Variants in EPB41L4A observed in about 807,000 individuals in gnomAD.
EPB41L4A encodes erythrocyte membrane protein band 4.1 like 4A, also known as band 4.1-like protein 4A.
Under a neutral mutation model 108.6 loss-of-function variants are expected in EPB41L4A, and 100 were observed. The observed-to-expected ratio is 0.92, with a 90% CI of 0.78 to 1.09. The LOEUF (loss-of-function observed/expected upper bound fraction) is 1.09. Ranked by LOEUF, EPB41L4A falls within the 50% of genes least tolerant of loss-of-function variation. The pLI, the probability that EPB41L4A is intolerant of heterozygous loss-of-function variation, is 0.00. For missense variants in EPB41L4A, 1,030 were observed against 842.7 expected (o/e 1.22, Z -2.75); for synonymous variants, 319 against 289.0 (o/e 1.10, Z -1.05).
intron 2 of EPB41L4A, among the ~76,000 whole-genome samples, chr5:112,306,789 T>C (rs1394934295): frequency 6.6e-6 from 1 of 151,852 alleles, no homozygotes; most frequent in Admixed American, 6.6e-5. Flanking sequence ...GTGGTGAATT[T>C]CTTAGTAACT....
chr5:112,144,378 A>G (rs1459161966), intron 13 of EPB41L4A, among the ~76,000 whole-genome samples: 1 of 152,070 alleles, frequency 6.6e-6, no homozygotes, highest in Non-Finnish European at 1.5e-5. Flanking sequence ...TTGACCTCCC[A>G]GGGCTTAGAT....
At chr5:112,154,641 A>G (rs1338115873) in intron 12 of EPB41L4A, among the ~76,000 whole-genome samples, 2 of 152,324 alleles carry the variant, frequency 1.3e-5, no homozygotes, top group East Asian at 3.9e-4. Context: ...ACAACATGGA[A>G]TGTCCATTTT....
chr5:112,224,029 G>C (rs1748272857), intron 12 of EPB41L4A, among the ~76,000 whole-genome samples: 1 of 152,138 alleles, frequency 6.6e-6, no homozygotes, highest in Admixed American at 6.5e-5. Flanking sequence ...TCGGCTCATT[G>C]CAGCCTCCGC....
At chr5:112,300,927 G>A (rs6594584) in intron 2 of EPB41L4A, among the ~76,000 whole-genome samples, 52,661 of 151,666 alleles carry the variant, frequency 0.35, 10,559 homozygotes, top group African/African-American at 0.56. Context: ...CTGCTTGTTC[G>A]AGTCTTACTG....
intron 1 of EPB41L4A, among the ~76,000 whole-genome samples, chr5:112,361,712 ATAAT>A (rs138703245): frequency 0.46 from 66,587 of 144,142 alleles, 15,674 homozygotes; most frequent in South Asian, 0.57. Context: ...CTAAAAAAAA[ATAAT>A]AATAATAATA....
At chr5:112,158,778 C>T (rs1336749491), downstream of EPB41L4A, among the ~76,000 whole-genome samples, 1 of 152,074 alleles carries the variant, frequency 6.6e-6, no homozygotes, top group Admixed American at 6.6e-5. Context: ...TGAAGGTAAC[C>T]AACCCTATGA....
intron 18 of EPB41L4A, chr5:112,175,502 G>A (rs1419454545): frequency 6.6e-6 from 1 of 152,018 alleles, no homozygotes; most frequent in African/African-American, 2.4e-5. Flanking sequence ...GCTATTTGTT[G>A]CGGATAAAAT....
At chr5:112,400,641 C>G (rs529519547) in intron 1 of EPB41L4A, among the ~76,000 whole-genome samples, 1 of 152,262 alleles carries the variant, frequency 6.6e-6, no homozygotes, top group South Asian at 2.1e-4. Flanking sequence ...CATGAGGGAT[C>G]CAACCCCATG....
intron 9 of EPB41L4A, among the ~76,000 whole-genome samples, chr5:112,244,470 A>C (rs1750061725): frequency 6.6e-6 from 1 of 152,060 alleles, no homozygotes; most frequent in South Asian, 2.1e-4. Flanking sequence ...AGGAGGGAGG[A>C]GGGCAGCTCC....
intron 2 of EPB41L4A, among the ~76,000 whole-genome samples, chr5:112,299,523 T>C (rs1431736172): frequency 6.6e-6 from 1 of 152,174 alleles, no homozygotes; most frequent in African/African-American, 2.4e-5. Flanking sequence ...GGGTAGAATG[T>C]TCTGTAAATG....
chr5:112,237,975 G>A (rs1749474137), intron 11 of EPB41L4A, among the ~76,000 whole-genome samples: 1 of 152,134 alleles, frequency 6.6e-6, no homozygotes, highest in South Asian at 2.1e-4. Flanking sequence ...TACTTAATAT[G>A]CAAAATCCAA....
At chr5:112,288,787 T>C (rs1451877260) in intron 2 of EPB41L4A, among the ~76,000 whole-genome samples, 1 of 152,058 alleles carries the variant, frequency 6.6e-6, no homozygotes, top group African/African-American at 2.4e-5. Flanking sequence ...GGGTTAAACT[T>C]CAGGGAAAAT....
intron 13 of EPB41L4A, chr5:112,143,886 G>C: frequency 2.2e-6 from 1 of 455,190 alleles, no homozygotes; most frequent in South Asian, 1.6e-5. Flanking sequence ...CTGCACTGAA[G>C]ACATAGAAAA....
intron 1 of EPB41L4A, among the ~76,000 whole-genome samples, chr5:112,384,836 C>A (rs255721): frequency 6.6e-6 from 1 of 151,906 alleles, no homozygotes; most frequent in African/African-American, 2.4e-5. Flanking sequence ...AATGGAATCA[C>A]AATGGAATTT....
intron 12 of EPB41L4A, among the ~76,000 whole-genome samples, chr5:112,149,964 TC>T (rs1759405173): frequency 6.6e-6 from 1 of 152,156 alleles, no homozygotes; most frequent in South Asian, 2.1e-4. Context: ...TAACGTCTGT[TC>T]CCTGAAAGGT....
At chr5:112,215,577 A>AC (rs1345180895) in intron 12 of EPB41L4A, among the ~76,000 whole-genome samples, 3 of 151,910 alleles carry the variant, frequency 2.0e-5, no homozygotes, top group East Asian at 1.9e-4. Flanking sequence ...TCTGGTTAAC[A>AC]ATGGTGAAAC....
intron 1 of EPB41L4A, among the ~76,000 whole-genome samples, chr5:112,388,758 C>T (rs1054426957): frequency 6.6e-6 from 1 of 152,118 alleles, no homozygotes; most frequent in East Asian, 1.9e-4. Flanking sequence ...TTTTTCTCCC[C>T]GCACTCTACC....
intron 1 of EPB41L4A, among the ~76,000 whole-genome samples, chr5:112,393,700 A>C (rs897041043): frequency 1.3e-5 from 2 of 152,232 alleles, no homozygotes; most frequent in African/African-American, 4.8e-5. Context: ...AAACTATTCC[A>C]ATCAATAGAA....
At chr5:112,265,044 T>C (rs747661604) in intron 5 of EPB41L4A, 28 bp from the exon 6 acceptor site, 2 of 1,535,462 alleles carry the variant, frequency 1.3e-6, no homozygotes, top group East Asian at 4.7e-5. Context: ...CATAGTTTTT[T>C]CCATTTTAGG....
Sources: gnomAD v4.1 joint callset for allele counts (sites outside exome capture counted in the v4.1 genomes callset) on GRCh38, gnomAD v4.1.1 for gene constraint, MANE v1.5 for transcripts, NCBI Gene and HGNC (gene_info 2026-07-23, HGNC 2026-07-21) for gene names.